Variants in PCBD2 observed in about 807,000 individuals in gnomAD.
The protein encoded by PCBD2 is pterin-4-alpha-carbinolamine dehydratase 2.
PCBD2 carries 12 observed loss-of-function variants against 16.4 expected under a neutral mutation model. The ratio of observed to expected loss-of-function variants is 0.73; its 90% CI spans 0.47 to 1.19. The LOEUF (loss-of-function observed/expected upper bound fraction) is 1.19. Ranked by LOEUF, PCBD2 falls within the 50% of genes most tolerant of loss-of-function variation. PCBD2 has a pLI of 0.00. For synonymous variants in PCBD2, 58 were observed against 61.8 expected (o/e 0.94, Z 0.29); for missense variants, 138 against 156.8 (o/e 0.88, Z 0.64).
At chr5:134,949,736 A>G (rs1201776310) in intron 2 of PCBD2, among the ~76,000 whole-genome samples, 1 of 152,200 alleles carries the variant, frequency 6.6e-6, no homozygotes, top group Non-Finnish European at 1.5e-5. Flanking sequence ...GAGACATGTA[A>G]TCATGTTCTG....
Position 134,960,713 on chromosome 5 carries a change from A to T in PCBD2, c.*32A>T. The T allele has an allele frequency of 6.7e-7, 1 of 1,490,130 alleles. No homozygotes were observed. The highest frequency in any genetic ancestry group is 1.2e-5 in the South Asian group (1 of 86,748). The allele number at this position is 1,490,130 out of a possible 1,614,324, so 92.3% of individuals were successfully genotyped here. ...CCAAAATACATGTAAAATCTTGTAC[A>T]CATCTTAGCTGCAATGTATGTTGAA... On this transcript the variant is annotated 3_prime_UTR_variant, in exon 4 of 4. Transcript: ENST00000254908.
chr5:134,926,708 A>G (rs11242230), intron 2 of PCBD2: 1 of 397,162 alleles, frequency 2.5e-6, no homozygotes, highest in Non-Finnish European at 4.4e-6. Context: ...GGAGGAGGAT[A>G]GGGGATAGGT....
At chr5:134,918,743 G>A (rs1390144864) in intron 2 of PCBD2, among the ~76,000 whole-genome samples, 3 of 152,190 alleles carry the variant, frequency 2.0e-5, no homozygotes, top group African/African-American at 7.2e-5. Flanking sequence ...TACCTAAAGT[G>A]TGAGAAGCTA....
At position 134,940,673 on chromosome 5, in the gene PCBD2, C is replaced by T. The variant is rs529394532; in HGVS notation, c.217-18367C>T. ...TCAGAGCAGTACTCTATTCTCTAGG[C>T]ACTAAAGATAGAAGTGAATGAAGCT... is the stretch of plus-strand genomic sequence containing the variant. On this transcript the variant is annotated intron_variant, in intron 2 of 3. Coordinates refer to ENST00000254908, the MANE Select transcript of PCBD2 (RefSeq NM_032151.5). 9.1e-4 allele frequency among the ~76,000 whole-genome samples: 138 copies of T among 152,254 alleles called. 1 individual carries two copies. Among genetic ancestry groups the T allele is most frequent in the African/African-American group, 3.2e-3 (134 of 41,542 alleles).
At chr5:134,915,551 G>A (rs1481468756) in intron 2 of PCBD2, among the ~76,000 whole-genome samples, 2 of 149,162 alleles carry the variant, frequency 1.3e-5, no homozygotes, top group South Asian at 2.1e-4. Flanking sequence ...GGGCTCAGGC[G>A]ATCATCCCAC....
chr5:134,960,448 T>G (rs1751462259), intron 3 of PCBD2, 138 bp from the exon 4 acceptor site: 1 of 637,882 alleles, frequency 1.6e-6, no homozygotes, highest in Non-Finnish European at 2.7e-6. Context: ...TTATTCATAA[T>G]GTAGTATTTT....
intron 2 of PCBD2, among the ~76,000 whole-genome samples, chr5:134,957,174 G>A (rs1041129555): frequency 9.9e-5 from 15 of 152,236 alleles, no homozygotes; most frequent in African/African-American, 3.4e-4. Flanking sequence ...GAGGAGAATC[G>A]CTTCAATCCG....
chr5:134,924,013 A>AT, intron 2 of PCBD2: 1 of 395,010 alleles, frequency 2.5e-6, no homozygotes, highest in Non-Finnish European at 4.5e-6. Flanking sequence ...CGGTTAATTA[A>AT]TTTTATCAAG....
intron 2 of PCBD2, among the ~76,000 whole-genome samples, chr5:134,945,546 A>G (rs1751282583): frequency 6.6e-6 from 1 of 152,186 alleles, no homozygotes; most frequent in East Asian, 1.9e-4. Flanking sequence ...GAAAAATTTG[A>G]CTTAAGAATT....
intron 1 of PCBD2, among the ~76,000 whole-genome samples, chr5:134,909,791 G>A (rs1055993118): frequency 2.6e-5 from 4 of 152,198 alleles, no homozygotes; most frequent in African/African-American, 4.8e-5. Context: ...CAGAAGGGCC[G>A]GGCGCAGTCA....
At chr5:134,933,051 G>C (rs1463016695) in intron 2 of PCBD2, among the ~76,000 whole-genome samples, 25 of 152,052 alleles carry the variant, frequency 1.6e-4, no homozygotes. Flanking sequence ...AAACAGAAAA[G>C]TATAAAGAAG....
chr5:134,923,806 G>T, intron 2 of PCBD2: 1 of 393,964 alleles, frequency 2.5e-6, no homozygotes, highest in South Asian at 1.3e-4. Flanking sequence ...TTGGCGTGAA[G>T]GTAGCGGATG....
intron 2 of PCBD2, among the ~76,000 whole-genome samples, chr5:134,921,146 G>A (rs1205642032): frequency 6.6e-6 from 1 of 152,250 alleles, no homozygotes; most frequent in Admixed American, 6.5e-5. Flanking sequence ...TATCCACTGA[G>A]GGGCTAGTGC....
intron 2 of PCBD2, among the ~76,000 whole-genome samples, chr5:134,936,066 T>C (rs1238073145): frequency 2.0e-5 from 3 of 152,234 alleles, no homozygotes; most frequent in African/African-American, 4.8e-5. Flanking sequence ...AATTATAATT[T>C]AATATGTTAC....
At chr5:134,916,476 A>G (rs1258800372) in intron 2 of PCBD2, among the ~76,000 whole-genome samples, 23 of 152,286 alleles carry the variant, frequency 1.5e-4, no homozygotes, top group Non-Finnish European at 2.9e-5. Flanking sequence ...TGGTATCACA[A>G]GTTTGCTTTA....
Position 134,962,053 on chromosome 5 carries a change from C to T in PCBD2, c.*1372C>T, listed in dbSNP as rs1330200020. On this transcript the variant is annotated 3_prime_UTR_variant, in exon 4 of 4. Coordinates refer to ENST00000254908, the MANE Select transcript of PCBD2 (RefSeq NM_032151.5). ...AAGGATTACAGGTGTGAGCCATTGC[C>T]CCCAGCCAGTATAACAGTTTGTGTG... Among the ~76,000 whole-genome samples, 1 of 146,778 alleles carries T rather than the reference C, an allele frequency of 6.8e-6. No individual in the cohort carries two copies. The highest frequency in any genetic ancestry group is 1.5e-5 in the Non-Finnish European group (1 of 67,022).
At chr5:134,908,200 A>G (rs891492391) in intron 1 of PCBD2, among the ~76,000 whole-genome samples, 3 of 141,876 alleles carry the variant, frequency 2.1e-5, no homozygotes, top group African/African-American at 7.9e-5. Context: ...AGGATTACAG[A>G]TGTGAGCCAC....
intron 2 of PCBD2, among the ~76,000 whole-genome samples, chr5:134,913,974 T>C (rs1302652028): frequency 6.6e-6 from 1 of 152,034 alleles, no homozygotes; most frequent in Non-Finnish European, 1.5e-5. Context: ...AGAATCCTGT[T>C]TTCACATGTC....
At chr5:134,909,292 C>T (rs184267980) in intron 1 of PCBD2, among the ~76,000 whole-genome samples, 2 of 152,168 alleles carry the variant, frequency 1.3e-5, no homozygotes, top group African/African-American at 4.8e-5. Flanking sequence ...CTTCATAAAC[C>T]CACCCCACTG....
Sources: gnomAD v4.1 joint callset for allele counts (sites outside exome capture counted in the v4.1 genomes callset) on GRCh38, gnomAD v4.1.1 for gene constraint, MANE v1.5 for transcripts, NCBI Gene and HGNC (gene_info 2026-07-23, HGNC 2026-07-21) for gene names.